Variants in PLD5 observed in about 807,000 individuals in gnomAD.
PLD5 encodes the protein phospholipase D family member 5.
Under a neutral mutation model 61.1 loss-of-function variants are expected in PLD5, and 36 were observed. That is an observed-to-expected ratio of 0.59 (90% CI 0.45 to 0.78). The LOEUF (loss-of-function observed/expected upper bound fraction) is 0.78. PLD5 is among the 30% of genes least tolerant of loss of function. PLD5 has a pLI of 0.00. For missense variants in PLD5, 515 were observed against 644.4 expected (o/e 0.80, Z 2.17); for synonymous variants, 243 against 242.8 (o/e 1.00, Z -0.01).
intron 3 of PLD5, among the ~76,000 whole-genome samples, chr1:242,269,308 C>A (rs1429292783): frequency 3.9e-5 from 6 of 152,146 alleles, no homozygotes; most frequent in Admixed American, 1.3e-4. Context: ...CTACTTTAGA[C>A]CAATTTGTAA....
chr1:242,369,815 T>C (rs1448922673), intron 1 of PLD5, among the ~76,000 whole-genome samples: 1 of 152,188 alleles, frequency 6.6e-6, no homozygotes, highest in Non-Finnish European at 1.5e-5. Flanking sequence ...AAGACACAGC[T>C]GAGCACTAAC....
chr1:242,227,034 T>C (rs1486606567), intron 4 of PLD5, among the ~76,000 whole-genome samples: 3 of 152,198 alleles, frequency 2.0e-5, no homozygotes, highest in African/African-American at 7.2e-5. Context: ...GTACACACAT[T>C]TTAAAAGGAG....
At chr1:242,156,262 G>A (rs536649729) in intron 5 of PLD5, among the ~76,000 whole-genome samples, 2 of 152,196 alleles carry the variant, frequency 1.3e-5, no homozygotes, top group Non-Finnish European at 2.9e-5. Context: ...TGTGAGATGG[G>A]TCTCCTGAAT....
At chr1:242,298,916 T>C (rs1326172386) in intron 2 of PLD5, among the ~76,000 whole-genome samples, 1 of 152,040 alleles carries the variant, frequency 6.6e-6, no homozygotes, top group African/African-American at 2.4e-5. Context: ...TGCACCTACC[T>C]GTTGATATTT....
At chr1:242,518,953 A>G (rs1669191489) in intron 1 of PLD5, among the ~76,000 whole-genome samples, 1 of 152,188 alleles carries the variant, frequency 6.6e-6, no homozygotes, top group Admixed American at 6.6e-5. Context: ...CTCATGAGAC[A>G]TCTACACTTT....
At chr1:242,238,887 G>A (rs889201598) in intron 4 of PLD5, among the ~76,000 whole-genome samples, 1 of 152,128 alleles carries the variant, frequency 6.6e-6, no homozygotes, top group African/African-American at 2.4e-5. Context: ...CAGAAGGATT[G>A]TGAAGGTTCT....
chr1:242,306,549 T>TATA (rs36121635), intron 2 of PLD5, among the ~76,000 whole-genome samples: 7 of 137,206 alleles, frequency 5.1e-5, no homozygotes, highest in South Asian at 2.3e-4. Flanking sequence ...GATATATATA[T>TATA]TTTTAACATA....
chr1:242,271,901 A>G (rs529197350), intron 3 of PLD5, among the ~76,000 whole-genome samples: 8 of 151,824 alleles, frequency 5.3e-5, no homozygotes, highest in Admixed American at 3.3e-4. Context: ...CGCATTCTCA[A>G]TGGGAGCGAT....
At chr1:242,272,689 G>A (rs1674162709) in intron 3 of PLD5, among the ~76,000 whole-genome samples, 1 of 152,094 alleles carries the variant, frequency 6.6e-6, no homozygotes, top group Non-Finnish European at 1.5e-5. Flanking sequence ...GCCTTCTCTA[G>A]AAAGCTATGA....
chr1:242,229,910 A>T (rs1671193323), intron 4 of PLD5, among the ~76,000 whole-genome samples: 1 of 151,340 alleles, frequency 6.6e-6, no homozygotes, highest in East Asian at 1.9e-4. Context: ...ATATTGATAA[A>T]AAAAAAAAAA....
chr1:242,230,527 C>T (rs1487937050), intron 4 of PLD5, among the ~76,000 whole-genome samples: 1 of 152,010 alleles, frequency 6.6e-6, no homozygotes, highest in Non-Finnish European at 1.5e-5. Flanking sequence ...TTCTTGGGGG[C>T]TTTAATTCTT....
intron 4 of PLD5, among the ~76,000 whole-genome samples, chr1:242,233,807 C>T (rs547672861): frequency 1.3e-5 from 2 of 152,266 alleles, no homozygotes; most frequent in East Asian, 1.9e-4. Context: ...GTGTGTCCCT[C>T]TCTGTCTCCT....
intron 5 of PLD5, among the ~76,000 whole-genome samples, chr1:242,174,022 G>A (rs977448613): frequency 2.6e-5 from 4 of 152,110 alleles, no homozygotes; most frequent in South Asian, 2.1e-4. Context: ...CAAAAGCAAT[G>A]GCAACAAAAG....
At chr1:242,517,598 C>A (rs1572280518) in intron 1 of PLD5, among the ~76,000 whole-genome samples, 2 of 151,924 alleles carry the variant, frequency 1.3e-5, no homozygotes, top group Admixed American at 1.3e-4. Context: ...TTTAAGTATA[C>A]TTTATCATCT....
chr1:242,164,952 C>T (rs748138121), intron 5 of PLD5, among the ~76,000 whole-genome samples: 18 of 152,178 alleles, frequency 1.2e-4, no homozygotes, highest in Non-Finnish European at 2.4e-4. Context: ...GACCACATGA[C>T]TGTTTTCCCA....
chr1:242,375,549 C>T (rs1436309674), intron 1 of PLD5, among the ~76,000 whole-genome samples: 1 of 151,908 alleles, frequency 6.6e-6, no homozygotes, highest in Non-Finnish European at 1.5e-5. Context: ...TTCGAGGAAC[C>T]GAACGTTGAC....
chr1:242,119,522 T>C (rs923163202), intron 6 of PLD5, among the ~76,000 whole-genome samples: 1 of 152,192 alleles, frequency 6.6e-6, no homozygotes, highest in Non-Finnish European at 1.5e-5. Flanking sequence ...TTAATTTAAA[T>C]GGGCAAAAGA....
chr1:242,378,315 A>C (rs893273602), intron 1 of PLD5, among the ~76,000 whole-genome samples: 2 of 152,192 alleles, frequency 1.3e-5, no homozygotes, highest in Non-Finnish European at 2.9e-5. Context: ...GCCAAATTCA[A>C]AGAGAAAAAA....
At chr1:242,527,979 G>A (rs924877288), upstream of PLD5, among the ~76,000 whole-genome samples, 7 of 152,208 alleles carry the variant, frequency 4.6e-5, no homozygotes, top group African/African-American at 9.6e-5. Flanking sequence ...GGGAGCTGGA[G>A]CCACTCCTGA....
Sources: gnomAD v4.1 joint callset for allele counts (sites outside exome capture counted in the v4.1 genomes callset) on GRCh38, gnomAD v4.1.1 for gene constraint, MANE v1.5 for transcripts, NCBI Gene and HGNC (gene_info 2026-07-23, HGNC 2026-07-21) for gene names.